Variants in ZSCAN18 observed in about 807,000 individuals in gnomAD.
The protein encoded by ZSCAN18 is zinc finger and SCAN domain-containing protein 18.
Under a neutral mutation model 31.1 loss-of-function variants are expected in ZSCAN18, and 16 were observed. The observed-to-expected ratio is 0.51, with a 90% CI of 0.35 to 0.78. The LOEUF is 0.78. ZSCAN18 is among the 30% of genes least tolerant of loss of function. ZSCAN18 has a pLI of 0.01. For synonymous variants in ZSCAN18, 375 were observed against 320.7 expected, an observed-to-expected ratio of 1.17 and a Z score of -1.81; for missense variants, 731 against 697.4, an observed-to-expected ratio of 1.05 and a Z score of -0.54.
Position 58,089,069 on chromosome 19 carries a change from C to T in ZSCAN18, c.404-232G>A, listed in dbSNP as rs187357855. 3.3e-3 allele frequency among the ~76,000 whole-genome samples: 497 copies of T among 151,766 alleles called. 4 individuals are homozygous for T. The highest frequency in any genetic ancestry group is 0.011 in the African/African-American group (471 of 41,380). On this transcript the variant is annotated intron_variant, in intron 2 of 6. Coordinates refer to ENST00000601144, the MANE Select transcript of ZSCAN18 (RefSeq NM_001145543.2). Reference sequence around the variant, plus strand: ...CTGTAATCCCAGCACTTTGGGAGGCCGAGGCGGGCGGATCACGAGGTCAGG... The same window carrying T: ...CTGTAATCCCAGCACTTTGGGAGGCTGAGGCGGGCGGATCACGAGGTCAGG...
At chr19:58,103,946 A>G (rs972707381) in intron 1 of ZSCAN18, among the ~76,000 whole-genome samples, 15 of 152,202 alleles carry the variant, frequency 9.9e-5, no homozygotes, top group Non-Finnish European at 1.6e-4. Context: ...CAATAGGGAG[A>G]AAGCTTTAAT....
At chr19:58,117,298 G>C (rs897196491) in intron 1 of ZSCAN18, among the ~76,000 whole-genome samples, 2 of 152,140 alleles carry the variant, frequency 1.3e-5, no homozygotes, top group African/African-American at 4.8e-5. Flanking sequence ...CCCAAAGTCT[G>C]AGAGGCCTGT....
chr19:58,118,358 C>T, exon 1 of ZSCAN18: 1 of 1,533,508 alleles, frequency 6.5e-7, no homozygotes, highest in South Asian at 1.2e-5. Flanking sequence ...TTCCCGCCGC[C>T]GTAGCGTCCT....
intron 1 of ZSCAN18, chr19:58,118,219 C>T: frequency 2.1e-6 from 2 of 950,654 alleles, no homozygotes; most frequent in South Asian, 2.0e-5. Context: ...AAAGAGCGAC[C>T]ACGCAGCCAC....
Position 58,088,736 on chromosome 19 carries a change from G to A in ZSCAN18, c.505C>T (p.Pro169Ser). 1 of 1,608,780 alleles carries A rather than the reference G, an allele frequency of 6.2e-7. No homozygotes were observed. The highest frequency in any genetic ancestry group is 8.5e-7 in the Non-Finnish European group (1 of 1,179,958). ...TCCCCAGCTCCAAGGGCCTGGCTGG[G>A]GCTCGCGAGCTCGCCTGGTAGCAGC... Reference protein sequence around the residue: ...PLLLPGELASPSQALGAGEIP... With the variant: ...PLLLPGELASSSQALGAGEIP... Residue 169 changes from proline to serine, a missense_variant, in exon 3 of 7, where the codon CCC (proline) becomes TCC (serine). Physicochemically the swap from Pro to Ser is moderately conservative, Grantham distance 74. Coordinates refer to ENST00000601144, the MANE Select transcript of ZSCAN18 (RefSeq NM_001145543.2).
At chr19:58,110,173 C>A (rs2146025730) in intron 1 of ZSCAN18, among the ~76,000 whole-genome samples, 1 of 152,312 alleles carries the variant, frequency 6.6e-6, no homozygotes, top group Non-Finnish European at 1.5e-5. Context: ...AGCCACCATG[C>A]CCATCCTCTA....
exon 1 of ZSCAN18, chr19:58,118,354 C>T: frequency 6.5e-7 from 1 of 1,533,858 alleles, no homozygotes; most frequent in South Asian, 1.2e-5. Context: ...TCACTTCCCG[C>T]CGCCGTAGCG....
At chr19:58,093,606 C>T (rs2074459442) in intron 1 of ZSCAN18, among the ~76,000 whole-genome samples, 1 of 152,134 alleles carries the variant, frequency 6.6e-6, no homozygotes, top group South Asian at 2.1e-4. Flanking sequence ...GTAAACTGCC[C>T]ACTTTCCCGT....
chr19:58,093,771 A>G (rs1306053740), intron 1 of ZSCAN18, among the ~76,000 whole-genome samples: 1 of 149,394 alleles, frequency 6.7e-6, no homozygotes, highest in South Asian at 2.1e-4. Context: ...TAATGCAATC[A>G]CTTTTTTTTT....
rs775951653 is a variant in ZSCAN18 at position 58,084,760 on chromosome 19, C to A, written c.1458G>T (p.Ala486=). The change falls in exon 7 of 7, where the codon GCG becomes GCT. Residue 486 remains alanine (A), a synonymous_variant. Coordinates refer to ENST00000601144, the MANE Select transcript of ZSCAN18 (RefSeq NM_001145543.2). The surrounding 1 kb of genome is among the most constrained non-coding windows in gnomAD (Gnocchi z 4.5). ...GPQPSTREAQ[A]GARAGGPPES... Reference sequence around the variant, plus strand: ...CTGGGGGACCGCCCGCCCTAGCCCCCGCCTGGGCTTCGCGGGTGGACGGTT... The same window carrying A: ...CTGGGGGACCGCCCGCCCTAGCCCCAGCCTGGGCTTCGCGGGTGGACGGTT... The A allele has an allele frequency of 2.5e-6, 4 of 1,568,902 alleles. No homozygotes were observed. Among genetic ancestry groups the A allele is most frequent in the Middle Eastern group, 3.4e-4 (2 of 5,928 alleles).
chr19:58,090,090 C>A lies in ZSCAN18; in HGVS notation c.178G>T (p.Ala60Ser). 6.2e-7 allele frequency: 1 copy of A among 1,613,792 alleles called. No individual in the cohort carries two copies. The highest frequency in any genetic ancestry group is 8.5e-7 in the Non-Finnish European group (1 of 1,179,898). ...GCCAGGGTCTGGTGGGGCCCGGCAGCCTCCTGGTAGACAAATTCCCGGAAA... is the reference window on the plus strand; with the variant it reads ...GCCAGGGTCTGGTGGGGCCCGGCAGACTCCTGGTAGACAAATTCCCGGAAA... ...LRFREFVYQE[A>S]AGPHQTLARL... The change falls in exon 2 of 7, where the codon GCT becomes TCT. Residue 60 changes from alanine (A) to serine (S), a missense_variant. This residue lies in a region of ZSCAN18 where 86 missense variants were observed against 119.1 expected (regional missense o/e 0.72). Transcript: ENST00000601144. The surrounding 1 kb of genome is among the most constrained non-coding windows in gnomAD (Gnocchi z 4.7).
chr19:58,093,766 C>T (rs1041397896), intron 1 of ZSCAN18, among the ~76,000 whole-genome samples: 1 of 152,008 alleles, frequency 6.6e-6, no homozygotes, highest in Non-Finnish European at 1.5e-5. Flanking sequence ...CTATCTAATG[C>T]AATCACTTTT....
In ZSCAN18 at chr19:58,085,299, C is replaced by T; in HGVS notation, c.919G>A (p.Glu307Lys). ...GCAAGGGCGTCCCCAGGGGGCGCCT[C>T]CGTAGGCAGCTCAGGCAGCACCCCC... is the stretch of plus-strand genomic sequence containing the variant. ...PAGVLPELPT[E>K]APPGDALADP... The change falls in exon 7 of 7, where the codon GAG becomes AAG. Residue 307 changes from glutamate to lysine, a missense_variant. Glu to Lys is a moderately conservative substitution (Grantham distance 56). Around this residue, in one of 4 missense-constraint regions of ZSCAN18, gnomAD observed 597 missense variants for 499.5 expected, o/e 1.20. Coordinates refer to ENST00000601144, the MANE Select transcript of ZSCAN18 (RefSeq NM_001145543.2). 6 of 1,599,658 alleles carry T rather than the reference C, an allele frequency of 3.8e-6. No homozygotes were observed. Among genetic ancestry groups the T allele is most frequent in the Non-Finnish European group, 4.2e-6 (5 of 1,178,334 alleles).
intron 1 of ZSCAN18, among the ~76,000 whole-genome samples, chr19:58,097,535 T>G (rs1461997377): frequency 6.6e-6 from 1 of 151,044 alleles, no homozygotes; most frequent in Non-Finnish European, 1.5e-5. Flanking sequence ...ATTCCAAGGG[T>G]GGGGGCAGCA....
chr19:58,090,162 T>C lies in ZSCAN18; in HGVS notation c.106A>G (p.Thr36Ala). Residue 36 changes from threonine (T) to alanine (A), a missense_variant, in exon 2 of 7, where the codon ACC (threonine) becomes GCC (alanine). Physicochemically the swap from Thr to Ala is moderately conservative, Grantham distance 58. Transcript: ENST00000601144. This position sits in a 1 kb window ranked among gnomAD's most constrained non-coding sequence, Gnocchi z 4.7. ...TCAGCAGGGGTCCTCTCAGGGATGGTCTCGGGTTCTTCCTGCTGGACTCCG... is the reference window on the plus strand; with the variant it reads ...TCAGCAGGGGTCCTCTCAGGGATGGCCTCGGGTTCTTCCTGCTGGACTCCG... ...AAGVQQEEPE[T>A]IPERTPADLE... The C allele has an allele frequency of 4.3e-6, 7 of 1,613,702 alleles. No homozygotes were observed. Among genetic ancestry groups the C allele is most frequent in the Non-Finnish European group, 5.9e-6 (7 of 1,179,936 alleles).
At chr19:58,101,427 G>A (rs2074593654), upstream of ZSCAN18, among the ~76,000 whole-genome samples, 1 of 150,826 alleles carries the variant, frequency 6.6e-6, no homozygotes, top group South Asian at 2.1e-4. Flanking sequence ...GGGATTACAG[G>A]CATGAGCCAC....
chr19:58,104,702 C>A (rs1600005403), intron 1 of ZSCAN18, among the ~76,000 whole-genome samples: 1 of 139,886 alleles, frequency 7.1e-6, no homozygotes. Flanking sequence ...GACTCCATCT[C>A]AATAAAATAA....
chr19:58,097,984 G>A, intron 1 of ZSCAN18, 190 bp downstream of exon 1: 2 of 985,596 alleles, frequency 2.0e-6, no homozygotes, highest in Non-Finnish European at 2.4e-6. Context: ...GGGGGACCCG[G>A]CCCCTGCCCC....
chr19:58,108,840 G>A, intron 1 of ZSCAN18: 4 of 902,908 alleles, frequency 4.4e-6, no homozygotes, highest in Non-Finnish European at 5.1e-6. Context: ...GTTACATTTT[G>A]AAGGCTCATC....
Sources: allele counts gnomAD v4.1 joint callset (sites outside exome capture counted in the v4.1 genomes callset), GRCh38; gene constraint gnomAD v4.1.1; regional missense constraint gnomAD v4.1.1; non-coding constraint Gnocchi (gnomAD v3.1); transcripts MANE v1.5; gene names NCBI Gene and HGNC (gene_info 2026-07-23, HGNC 2026-07-21).